The following ATP2B4 variants were observed in gnomAD, a reference collection of about 807,000 sequenced individuals.
The protein encoded by ATP2B4 is plasma membrane calcium-transporting ATPase 4.
A neutral mutation model predicts 110.3 loss-of-function variants in ATP2B4; 39 were observed. That is an observed-to-expected ratio of 0.35 (90% CI 0.27 to 0.46). The LOEUF (loss-of-function observed/expected upper bound fraction) is 0.46. ATP2B4 is among the 20% of genes least tolerant of loss of function. The pLI, the probability that ATP2B4 is intolerant of heterozygous loss-of-function variation, is 1.00. For synonymous variants in ATP2B4, 538 were observed against 571.7 expected (o/e 0.94, Z 0.84); for missense variants, 1,135 against 1,530.9 (o/e 0.74, Z 4.32).
chr1:203,632,085 A>G (rs1464047597), intron 1 of ATP2B4, among the ~76,000 whole-genome samples: 1 of 151,820 alleles, frequency 6.6e-6, no homozygotes, highest in Non-Finnish European at 1.5e-5. Context: ...CCCAGCCACA[A>G]GGTGGTTTTT....
Position 203,705,760 on chromosome 1 carries a change from G to A in ATP2B4, c.1100-1249G>A, listed in dbSNP as rs142942761. Among the ~76,000 whole-genome samples, 526 of 152,256 alleles carry A rather than the reference G, an allele frequency of 3.5e-3. 2 individuals are homozygous for A. The highest frequency in any genetic ancestry group is 5.5e-3 in the Non-Finnish European group (371 of 68,020). ...CAGAGTACAAGCTACCTGATGGCTG[G>A]CCACTAGTCTCCTCTGTTGCTTTAT... On this transcript the variant is annotated intron_variant, in intron 8 of 20. Transcript: ENST00000357681.
At chr1:203,708,937 A>T (rs1230528836) in intron 10 of ATP2B4, among the ~76,000 whole-genome samples, 1 of 152,094 alleles carries the variant, frequency 6.6e-6, no homozygotes, top group Non-Finnish European at 1.5e-5. Flanking sequence ...TGGGCAGATC[A>T]CCTGAGGTCA....
At chr1:203,703,594 T>C in intron 7 of ATP2B4, 58 bp from the exon 8 acceptor site, 1 of 1,564,612 alleles carries the variant, frequency 6.4e-7, no homozygotes, top group African/African-American at 1.4e-5. Flanking sequence ...TCCACCTGCC[T>C]GCCACTCAGT....
At chr1:203,675,916 G>T (rs143818779) in intron 1 of ATP2B4, among the ~76,000 whole-genome samples, 29 of 152,250 alleles carry the variant, frequency 1.9e-4, no homozygotes, top group African/African-American at 6.3e-4. Context: ...AGGACTATAG[G>T]GGGGAGAGGG....
intron 9 of ATP2B4, 138 bp from the exon 10 acceptor site, chr1:203,707,724 C>G: frequency 8.3e-7 from 1 of 1,209,164 alleles, no homozygotes; most frequent in South Asian, 1.4e-5. Context: ...AATCACTGCA[C>G]CCAGTCAGTA....
chr1:203,642,180 C>T (rs1663652950), intron 1 of ATP2B4, among the ~76,000 whole-genome samples: 1 of 152,138 alleles, frequency 6.6e-6, no homozygotes, highest in Non-Finnish European at 1.5e-5. Context: ...CTCCTGGGCT[C>T]AAGGGATCCT....
At chr1:203,696,787 T>C (rs556635812) in intron 2 of ATP2B4, among the ~76,000 whole-genome samples, 1 of 151,994 alleles carries the variant, frequency 6.6e-6, no homozygotes, top group Non-Finnish European at 1.5e-5. Context: ...GTGTGTGTCA[T>C]ATATCTGTGT....
intron 6 of ATP2B4, among the ~76,000 whole-genome samples, chr1:203,701,754 C>A (rs1001030770): frequency 6.6e-6 from 1 of 152,164 alleles, no homozygotes; most frequent in African/African-American, 2.4e-5. Flanking sequence ...CTAATCCCCA[C>A]CCCATTTTTC....
chr1:203,706,989 T>C lies in ATP2B4; in HGVS notation c.1100-20T>C. 6.2e-7 allele frequency: 1 copy of C among 1,610,452 alleles called. No homozygotes were observed. Among genetic ancestry groups the C allele is most frequent in the Non-Finnish European group, 8.5e-7 (1 of 1,177,594 alleles). On this transcript the variant is annotated intron_variant, in intron 8 of 20. Transcript: ENST00000357681. The stretch of plus-strand genomic sequence containing the variant: ...GACTGCCCTCCAGCCTGGGTTCATA[T>C]GACTTGTTTCTCTGGACAGGTCTGC...
chr1:203,711,249 T>G, intron 12 of ATP2B4, 141 bp downstream of exon 12: 3 of 746,232 alleles, frequency 4.0e-6, no homozygotes, highest in African/African-American at 3.5e-5. Flanking sequence ...ACAGGACTGC[T>G]GTGGAGTGCC....
rs1048601240 is a variant in ATP2B4 at position 203,711,128 on chromosome 1, C to G, written c.2031+20C>G. 6.2e-7 allele frequency: 1 copy of G among 1,610,710 alleles called. No individual in the cohort carries two copies. Among genetic ancestry groups the G allele is most frequent in the African/African-American group, 1.3e-5 (1 of 74,804 alleles). On this transcript the variant is annotated intron_variant, in intron 12 of 20. Transcript: ENST00000357681. ...CCAGAGGTGAGAGGGTGGGAAGCCA[C>G]CCAGGAGTCTCAGGAAGTGGGGTAC...
At chr1:203,706,431 T>G (rs778923026) in intron 8 of ATP2B4, among the ~76,000 whole-genome samples, 3 of 152,240 alleles carry the variant, frequency 2.0e-5, no homozygotes, top group Admixed American at 1.3e-4. Context: ...TATTTACTAT[T>G]ATTGGCATCT....
chr1:203,669,554 A>C (rs1289513625), intron 1 of ATP2B4, among the ~76,000 whole-genome samples: 1 of 152,094 alleles, frequency 6.6e-6, no homozygotes, highest in East Asian at 1.9e-4. Flanking sequence ...CTCCTACCTC[A>C]GCCTCCCGTG....
intron 11 of ATP2B4, among the ~76,000 whole-genome samples, chr1:203,709,827 T>TA (rs1284415042): frequency 6.6e-6 from 1 of 152,222 alleles, no homozygotes; most frequent in Non-Finnish European, 1.5e-5. Context: ...CTCAAGGTGA[T>TA]ACAGCTAATA....
chr1:203,727,605 G>A (rs760373697), intron 20 of ATP2B4, 34 bp downstream of exon 20: 10 of 1,608,380 alleles, frequency 6.2e-6, no homozygotes, highest in Non-Finnish European at 8.5e-6. Flanking sequence ...TCCCTTGGGA[G>A]AAGCAGCTTC....
At chr1:203,641,250 G>A (rs1304125957) in intron 1 of ATP2B4, among the ~76,000 whole-genome samples, 5 of 152,176 alleles carry the variant, frequency 3.3e-5, no homozygotes, top group African/African-American at 7.2e-5. Flanking sequence ...TTAGCTCTCC[G>A]AAGTAAATTA....
In ATP2B4 at chr1:203,707,902, C is replaced by A; in HGVS notation, c.1355C>A (p.Ala452Asp). The A allele has an allele frequency of 6.2e-7, 1 of 1,614,168 alleles. No individual in the cohort carries two copies. The highest frequency in any genetic ancestry group is 8.5e-7 in the Non-Finnish European group (1 of 1,180,022). The change falls in exon 10 of 21, where the codon GCT becomes GAT. Residue 452 changes from alanine to aspartate, a missense_variant. This residue lies in a region of ATP2B4 where 368 missense variants were observed against 455.9 expected (regional missense o/e 0.81). Transcript: ENST00000357681. ...KDNNLVRHLD[A>D]CETMGNATAI... ...AATAACCTAGTACGGCACTTGGATG[C>A]TTGTGAGACCATGGGCAACGCCACC...
intron 20 of ATP2B4, chr1:203,733,391 C>T (rs763918468): frequency 8.7e-6 from 14 of 1,613,524 alleles, no homozygotes; most frequent in East Asian, 2.2e-5. Context: ...TTCATCTCCT[C>T]CTATGGGCAG....
rs551803107 is a variant in ATP2B4, at chr1:203,729,644, A to C, written c.3309+2073A>C. ...TGCTTTTTCTGTCTGCCAGAGAAAC[A>C]TTCCAGGGTGCTGTGGCTGCCTCAC... On this transcript the variant is annotated intron_variant, in intron 20 of 20. Transcript: ENST00000357681. The C allele has an allele frequency of 5.9e-5, 63 of 1,075,334 alleles. No individual in the cohort carries two copies. The African/African-American group carries it at 9.0e-4, about 15-fold the overall frequency. 66.6% of individuals were successfully genotyped at this position (1,075,334 alleles called of 1,614,324 possible). A position where few individuals can be genotyped will look rare whatever the true frequency, so the allele number is the denominator to read the frequency against.
Sources: allele counts gnomAD v4.1 joint callset (sites outside exome capture counted in the v4.1 genomes callset), GRCh38; gene constraint gnomAD v4.1.1; regional missense constraint gnomAD v4.1.1; transcripts MANE v1.5; gene names NCBI Gene and HGNC (gene_info 2026-07-23, HGNC 2026-07-21).